Variants in SPAG16 observed in about 807,000 individuals in gnomAD.
SPAG16 encodes the protein sperm associated antigen 16.
A neutral mutation model predicts 80.4 loss-of-function variants in SPAG16; 86 were observed. The ratio of observed to expected loss-of-function variants is 1.07; its 90% CI spans 0.90 to 1.28. SPAG16 has a LOEUF of 1.28. Ranked by LOEUF, SPAG16 falls within the 50% of genes most tolerant of loss-of-function variation. The probability of loss-of-function intolerance (pLI) is 0.00; values close to 1 mark genes in which losing one functional copy is unlikely to be tolerated. For synonymous variants in SPAG16, 294 were observed against 265.9 expected, an observed-to-expected ratio of 1.11 and a Z score of -1.03; for missense variants, 870 against 765.3, an observed-to-expected ratio of 1.14 and a Z score of -1.61.
intron 10 of SPAG16, among the ~76,000 whole-genome samples, chr2:213,614,512 T>C (rs2061534519): frequency 6.6e-6 from 1 of 152,160 alleles, no homozygotes; most frequent in Admixed American, 6.5e-5. Context: ...CCCTTTTGGC[T>C]ATCAGTCCTT....
intron 15 of SPAG16, among the ~76,000 whole-genome samples, chr2:214,311,211 T>C (rs1485932841): frequency 6.6e-6 from 1 of 152,068 alleles, no homozygotes; most frequent in African/African-American, 2.4e-5. Flanking sequence ...TCCCTCTCTC[T>C]AGGGTCAGCA....
intron 7 of SPAG16, among the ~76,000 whole-genome samples, chr2:213,361,677 AC>A (rs762061562): frequency 5.8e-4 from 88 of 150,798 alleles, no homozygotes; most frequent in Non-Finnish European, 6.4e-4. Flanking sequence ...AGAAAAAAAA[AC>A]TCAACATAAT....
intron 10 of SPAG16, among the ~76,000 whole-genome samples, chr2:213,842,410 GTA>G: frequency 6.6e-6 from 1 of 151,916 alleles, no homozygotes; most frequent in East Asian, 1.9e-4. Flanking sequence ...AATAGAATGT[GTA>G]TATGTTTTAT....
At chr2:213,894,325 A>C (rs1180694493) in intron 11 of SPAG16, among the ~76,000 whole-genome samples, 1 of 152,192 alleles carries the variant, frequency 6.6e-6, no homozygotes, top group African/African-American at 2.4e-5. Context: ...ATATTAACAT[A>C]ACCCAGAACA....
chr2:213,830,253 C>T (rs1469844204), intron 10 of SPAG16, among the ~76,000 whole-genome samples: 1 of 152,146 alleles, frequency 6.6e-6, no homozygotes, highest in Admixed American at 6.5e-5. Context: ...CAACTGAGTT[C>T]TTCCTGGTGT....
Position 214,405,479 on chromosome 2 carries a change from G to A in SPAG16, c.1721-4661G>A, listed in dbSNP as rs188653782. Reference sequence around the variant, plus strand: ...GCCAGTAAATGAAGCAAGACTTTTTGAGTAATAAAGTTTTCAATTCAAATC... The same window carrying A: ...GCCAGTAAATGAAGCAAGACTTTTTAAGTAATAAAGTTTTCAATTCAAATC... On this transcript the variant is annotated intron_variant, in intron 15 of 15. Coordinates refer to ENST00000331683, the MANE Select transcript of SPAG16 (RefSeq NM_024532.5). 2.0e-5 allele frequency among the ~76,000 whole-genome samples: 3 copies of A among 152,232 alleles called. No individual in the cohort carries two copies. The East Asian group carries it at 5.8e-4, about 29-fold the overall frequency.
At chr2:213,528,878 G>C (rs926008867) in intron 10 of SPAG16, among the ~76,000 whole-genome samples, 1 of 152,148 alleles carries the variant, frequency 6.6e-6, no homozygotes. Flanking sequence ...TTGCCTGCAG[G>C]CCATGGGTTG....
intron 15 of SPAG16, among the ~76,000 whole-genome samples, chr2:214,159,664 T>C (rs1334544208): frequency 6.6e-6 from 1 of 151,966 alleles, no homozygotes; most frequent in Non-Finnish European, 1.5e-5. Flanking sequence ...CTCAGAAGTA[T>C]ATTTTCTCAC....
At chr2:213,343,960 AATT>A (rs1296783513) in intron 6 of SPAG16, among the ~76,000 whole-genome samples, 1 of 152,114 alleles carries the variant, frequency 6.6e-6, no homozygotes, top group Non-Finnish European at 1.5e-5. Context: ...AGCTTATTCC[AATT>A]GTTAAGTATA....
chr2:213,392,415 A>G (rs1406541692), intron 9 of SPAG16, among the ~76,000 whole-genome samples: 2 of 152,238 alleles, frequency 1.3e-5, no homozygotes, highest in East Asian at 3.8e-4. Flanking sequence ...TTACACCAAA[A>G]TGTTAAATAA....
intron 12 of SPAG16, among the ~76,000 whole-genome samples, chr2:213,943,695 T>C (rs189776902): frequency 1.3e-5 from 2 of 152,246 alleles, no homozygotes; most frequent in Admixed American, 6.5e-5. Flanking sequence ...GCAAAAGGAA[T>C]TGAAGAGAAA....
chr2:213,574,439 G>C (rs2060042892), intron 10 of SPAG16, among the ~76,000 whole-genome samples: 1 of 152,000 alleles, frequency 6.6e-6, no homozygotes, highest in Admixed American at 6.6e-5. Context: ...TGTGGTACTA[G>C]AGTTGTTGAC....
chr2:214,287,649 T>C (rs911252345), intron 15 of SPAG16, among the ~76,000 whole-genome samples: 1 of 152,240 alleles, frequency 6.6e-6, no homozygotes, highest in Non-Finnish European at 1.5e-5. Context: ...TACAATTGAA[T>C]GCATTCACAT....
chr2:213,701,139 C>T (rs181437528), intron 10 of SPAG16, among the ~76,000 whole-genome samples: 18 of 152,272 alleles, frequency 1.2e-4, no homozygotes, highest in African/African-American at 4.3e-4. Flanking sequence ...ACTCAGGAGG[C>T]TGAGGCAGGA....
At chr2:214,059,252 A>ATATT (rs1440037165) in intron 13 of SPAG16, among the ~76,000 whole-genome samples, 2 of 99,456 alleles carry the variant, frequency 2.0e-5, no homozygotes, top group African/African-American at 7.7e-5. Context: ...GTATGTATAT[A>ATATT]TATGTATGTA....
At chr2:213,387,162 G>T (rs2067470576) in intron 9 of SPAG16, among the ~76,000 whole-genome samples, 1 of 151,862 alleles carries the variant, frequency 6.6e-6, no homozygotes, top group Non-Finnish European at 1.5e-5. Flanking sequence ...ATCCACTGTA[G>T]TCCAAATTCA....
intron 11 of SPAG16, among the ~76,000 whole-genome samples, chr2:213,891,076 A>G (rs2076767941): frequency 6.6e-6 from 1 of 151,904 alleles, no homozygotes; most frequent in Admixed American, 6.6e-5. Context: ...TTTTGTTTTA[A>G]TTTTTACACT....
At chr2:213,325,438 T>C (rs2063801322) in intron 5 of SPAG16, among the ~76,000 whole-genome samples, 2 of 152,078 alleles carry the variant, frequency 1.3e-5, no homozygotes, top group South Asian at 4.1e-4. Context: ...TAGGAATACA[T>C]AATTGTTCTG....
At chr2:214,025,874 A>G (rs138771607) in intron 13 of SPAG16, among the ~76,000 whole-genome samples, 83 of 151,660 alleles carry the variant, frequency 5.5e-4, no homozygotes, top group African/African-American at 1.9e-3. Flanking sequence ...TATAAGGACA[A>G]AAACCTTAAA....
Sources: allele counts gnomAD v4.1 joint callset (sites outside exome capture counted in the v4.1 genomes callset), GRCh38; gene constraint gnomAD v4.1.1; transcripts MANE v1.5; gene names NCBI Gene and HGNC (gene_info 2026-07-23, HGNC 2026-07-21).